CFAP299: variants seen among roughly 807,000 people sequenced by gnomAD.
CFAP299 encodes the protein cilia and flagella associated protein 299.
In CFAP299, 21 loss-of-function variants were observed where a neutral mutation model predicts 27.0. The observed-to-expected ratio is 0.78, with a 90% CI of 0.55 to 1.12. CFAP299 has a LOEUF of 1.12. Among genes scored for constraint, CFAP299 ranks in the 50% most tolerant of loss-of-function variants. The probability of loss-of-function intolerance (pLI) is 0.00; values close to 1 mark genes in which losing one functional copy is unlikely to be tolerated. For synonymous variants in CFAP299, 104 were observed against 98.1 expected, an observed-to-expected ratio of 1.06 and a Z score of -0.36; for missense variants, 310 against 276.6, an observed-to-expected ratio of 1.12 and a Z score of -0.86.
intron 4 of CFAP299, among the ~76,000 whole-genome samples, chr4:80,905,564 A>T (rs1250680215): frequency 6.6e-6 from 1 of 152,208 alleles, no homozygotes; most frequent in Admixed American, 6.6e-5. Flanking sequence ...TGATATAAAG[A>T]ACTGCCCAAG....
At chr4:80,505,482 G>A (rs1006316038) in intron 2 of CFAP299, among the ~76,000 whole-genome samples, 3 of 152,034 alleles carry the variant, frequency 2.0e-5, no homozygotes, top group Admixed American at 6.6e-5. Context: ...CATAACAACT[G>A]AAAAAAGGAC....
intron 1 of CFAP299, among the ~76,000 whole-genome samples, chr4:80,351,771 T>G (rs1723023117): frequency 6.6e-6 from 1 of 151,072 alleles, no homozygotes; most frequent in Non-Finnish European, 1.5e-5. Context: ...AGATTAATAA[T>G]AAAACATTAA....
At chr4:80,889,181 A>T (rs553040442) in intron 4 of CFAP299, among the ~76,000 whole-genome samples, 2 of 151,394 alleles carry the variant, frequency 1.3e-5, no homozygotes, top group South Asian at 2.1e-4. Flanking sequence ...AATACAAGAG[A>T]TCAACAAAAT....
chr4:80,754,198 C>T (rs568847301), intron 3 of CFAP299, among the ~76,000 whole-genome samples: 6 of 151,994 alleles, frequency 3.9e-5, no homozygotes, highest in African/African-American at 1.2e-4. Context: ...ATTATTAGTG[C>T]GCCATGGGCT....
chr4:80,324,011 C>A, the CFAP299 span, among the ~76,000 whole-genome samples: 6 of 152,212 alleles, frequency 3.9e-5, no homozygotes, highest in East Asian at 1.2e-3. Flanking sequence ...GATACATGTG[C>A]AGAACGTGCA....
chr4:80,833,450 T>TG (rs1217338742), intron 3 of CFAP299, among the ~76,000 whole-genome samples: 1 of 152,020 alleles, frequency 6.6e-6, no homozygotes, highest in South Asian at 2.1e-4. Flanking sequence ...TAACACGTAC[T>TG]GGCCCACTGT....
chr4:80,674,695 A>C (rs537122891), intron 3 of CFAP299, among the ~76,000 whole-genome samples: 1 of 151,950 alleles, frequency 6.6e-6, no homozygotes, highest in Non-Finnish European at 1.5e-5. Context: ...ACATTGTCCC[A>C]TATTTCTTGG....
chr4:80,445,683 CATTT>C (rs1728584729), intron 2 of CFAP299, among the ~76,000 whole-genome samples: 1 of 151,292 alleles, frequency 6.6e-6, no homozygotes, highest in Admixed American at 6.6e-5. Flanking sequence ...AAAAAAAAAA[CATTT>C]AAAGTATCAT....
At chr4:80,606,288 G>C (rs904378197) in intron 3 of CFAP299, among the ~76,000 whole-genome samples, 2 of 152,148 alleles carry the variant, frequency 1.3e-5, no homozygotes, top group Admixed American at 1.3e-4. Context: ...TGTAATCCCA[G>C]TGCTTTGGGA....
chr4:80,863,685 C>A (rs767107761), intron 3 of CFAP299, among the ~76,000 whole-genome samples: 10 of 151,948 alleles, frequency 6.6e-5, no homozygotes, highest in Non-Finnish European at 1.2e-4. Flanking sequence ...TAAATAGATC[C>A]GTATTCATGG....
At chr4:80,879,596 C>T (rs7656790) in intron 4 of CFAP299, among the ~76,000 whole-genome samples, 10,403 of 152,118 alleles carry the variant, frequency 0.068, 396 homozygotes, top group South Asian at 0.16. Flanking sequence ...TTTTAACACT[C>T]GGCATTTTTA....
intron 3 of CFAP299, among the ~76,000 whole-genome samples, chr4:80,800,497 T>C (rs1578138904): frequency 1.6e-4 from 1 of 6,154 alleles, no homozygotes; most frequent in African/African-American, 5.7e-4. Context: ...ATATAATATA[T>C]AATATATTAT....
At chr4:80,846,729 C>G (rs772398149) in intron 3 of CFAP299, among the ~76,000 whole-genome samples, 6 of 152,226 alleles carry the variant, frequency 3.9e-5, no homozygotes, top group South Asian at 4.2e-4. Flanking sequence ...TTCATATCCT[C>G]TGTTGTTTGT....
At chr4:80,639,354 G>C (rs573971401) in intron 3 of CFAP299, among the ~76,000 whole-genome samples, 1 of 152,288 alleles carries the variant, frequency 6.6e-6, no homozygotes, top group South Asian at 2.1e-4. Flanking sequence ...TGAAATTTAG[G>C]TGAGGCCAGA....
At chr4:80,673,723 G>A (rs960744338) in intron 3 of CFAP299, among the ~76,000 whole-genome samples, 1 of 152,156 alleles carries the variant, frequency 6.6e-6, no homozygotes, top group Non-Finnish European at 1.5e-5. Flanking sequence ...TATATGTTTA[G>A]GATAGGTAGC....
In CFAP299 at chr4:80,963,662, G is replaced by A. The variant is rs371111546; in HGVS notation, c.*50G>A. On this transcript the variant is annotated 3_prime_UTR_variant, in exon 6 of 6. Transcript: ENST00000358105. ...AATTTGCTAAATTTAAATAAATTCC[G>A]TAGACAGAGCAAATTAGAATAATAA... The A allele has an allele frequency of 1.7e-5, 21 of 1,225,202 alleles. 1 individual carries two copies. Among genetic ancestry groups the A allele is most frequent in the Admixed American group, 9.7e-5 (5 of 51,768 alleles). 75.9% of individuals were successfully genotyped at this position (1,225,202 alleles called of 1,614,324 possible).
At chr4:80,864,528 A>G (rs533827416) in intron 3 of CFAP299, among the ~76,000 whole-genome samples, 1 of 147,572 alleles carries the variant, frequency 6.8e-6, no homozygotes, top group South Asian at 2.1e-4. Flanking sequence ...ACGTATATAT[A>G]CATATACGTA....
intron 1 of CFAP299, among the ~76,000 whole-genome samples, chr4:80,348,728 C>T (rs1722873196): frequency 6.6e-6 from 1 of 152,160 alleles, no homozygotes; most frequent in Admixed American, 6.5e-5. Flanking sequence ...ATTTGAGCTA[C>T]CCAGTTTGTG....
chr4:80,701,417 G>C (rs576785712), intron 3 of CFAP299, among the ~76,000 whole-genome samples: 1 of 152,020 alleles, frequency 6.6e-6, no homozygotes, highest in Non-Finnish European at 1.5e-5. Flanking sequence ...AGCTAAATGT[G>C]TTGGTTTTGT....
Sources: gnomAD v4.1 joint callset for allele counts (sites outside exome capture counted in the v4.1 genomes callset) on GRCh38, gnomAD v4.1.1 for gene constraint, MANE v1.5 for transcripts, NCBI Gene and HGNC (gene_info 2026-07-23, HGNC 2026-07-21) for gene names.